KCNB2: variants seen among roughly 807,000 people sequenced by gnomAD.
KCNB2 encodes the protein delayed rectifier potassium channel protein.
KCNB2 carries 15 observed loss-of-function variants against 61.5 expected under a neutral mutation model. That is an observed-to-expected ratio of 0.24 (90% CI 0.16 to 0.38). The LOEUF is 0.38. Among genes scored for constraint, KCNB2 ranks in the 10% least tolerant of loss-of-function variants. The pLI, the probability that KCNB2 is intolerant of heterozygous loss-of-function variation, is 1.00. For synonymous variants in KCNB2, 457 were observed against 446.0 expected (o/e 1.02, Z -0.31); for missense variants, 828 against 1,125.2 (o/e 0.74, Z 3.78).
chr8:72,875,538 C>CT lies in KCNB2; in HGVS notation c.580-60365dup, dbSNP rs1202722527. Among the ~76,000 whole-genome samples the CT allele has an allele frequency of 3.9e-3, 30 of 7,644 alleles. 4 individuals are homozygous for CT. The highest frequency in any genetic ancestry group is 8.8e-3 in the Admixed American group (10 of 1,130). The allele number at this position is 7,644 out of a possible 152,430, so 5.0% of individuals were successfully genotyped here. ...AAGGAAATCTCTGCTCATTGCAAAT[C>CT]TTTTTTTTTTTTTTTTTTTTTTTTT... On this transcript the variant is annotated intron_variant, in intron 2 of 2. Coordinates refer to ENST00000523207, the MANE Select transcript of KCNB2 (RefSeq NM_004770.3).
intron 2 of KCNB2, among the ~76,000 whole-genome samples, chr8:72,715,066 G>T (rs2128992193): frequency 6.6e-6 from 1 of 152,248 alleles, no homozygotes; most frequent in East Asian, 1.9e-4. Flanking sequence ...GACAAAGAAG[G>T]CCATTACATA....
intron 2 of KCNB2, among the ~76,000 whole-genome samples, chr8:72,911,501 A>G (rs1474907587): frequency 1.3e-5 from 2 of 152,220 alleles, no homozygotes; most frequent in Non-Finnish European, 2.9e-5. Flanking sequence ...GTGAGGCACC[A>G]AATGAATCGT....
chr8:72,671,708 T>G (rs140037488), intron 2 of KCNB2, among the ~76,000 whole-genome samples: 2 of 152,318 alleles, frequency 1.3e-5, no homozygotes, highest in African/African-American at 4.8e-5. Context: ...CCCTTGATTC[T>G]GAGCTTAGCC....
intron 2 of KCNB2, among the ~76,000 whole-genome samples, chr8:72,831,367 G>A (rs1377492331): frequency 1.3e-5 from 2 of 152,148 alleles, no homozygotes; most frequent in Non-Finnish European, 1.5e-5. Context: ...AGAAAGACAC[G>A]ATCAAAGCAA....
intron 2 of KCNB2, among the ~76,000 whole-genome samples, chr8:72,620,258 G>A (rs557411056): frequency 7.9e-5 from 12 of 152,268 alleles, no homozygotes; most frequent in South Asian, 6.2e-4. Context: ...AATCCAACAG[G>A]CAGTTTAGAT....
At chr8:72,653,492 C>G (rs936715779) in intron 2 of KCNB2, among the ~76,000 whole-genome samples, 1 of 151,946 alleles carries the variant, frequency 6.6e-6, no homozygotes, top group African/African-American at 2.4e-5. Flanking sequence ...CCTGCCGTAT[C>G]ATTGGGTATT....
intron 2 of KCNB2, among the ~76,000 whole-genome samples, chr8:72,638,196 G>T (rs182009105): frequency 1.3e-5 from 2 of 152,234 alleles, no homozygotes; most frequent in East Asian, 3.9e-4. Context: ...GATCATTTAA[G>T]ATCCTATGAC....
In KCNB2 at chr8:72,904,573, G is replaced by C. The variant is rs533064189; in HGVS notation, c.580-31362G>C. ...CAAAAAAGAAATTATTTAACAATTA[G>C]ACAAGAGAAAGAAAGATATATACAA... On this transcript the variant is annotated intron_variant, in intron 2 of 2. Coordinates refer to ENST00000523207, the MANE Select transcript of KCNB2 (RefSeq NM_004770.3). Among the ~76,000 whole-genome samples, 3 of 152,180 alleles carry C rather than the reference G, an allele frequency of 2.0e-5. No individual in the cohort carries two copies. The East Asian group carries it at 5.8e-4, about 29-fold the overall frequency.
At chr8:72,839,013 C>T (rs1394633434) in intron 2 of KCNB2, among the ~76,000 whole-genome samples, 1 of 151,954 alleles carries the variant, frequency 6.6e-6, no homozygotes, top group Non-Finnish European at 1.5e-5. Flanking sequence ...AATTTTAATT[C>T]ACAAGGTAAT....
intron 2 of KCNB2, among the ~76,000 whole-genome samples, chr8:72,887,952 C>T (rs1563414153): frequency 6.6e-6 from 1 of 152,358 alleles, no homozygotes. Flanking sequence ...GGAAGATACA[C>T]CCAATAAACA....
intron 2 of KCNB2, among the ~76,000 whole-genome samples, chr8:72,729,081 A>T (rs1307882068): frequency 6.6e-6 from 1 of 152,168 alleles, no homozygotes; most frequent in Non-Finnish European, 1.5e-5. Flanking sequence ...GTAACTTGGG[A>T]TCACTATTTA....
At chr8:72,912,492 A>T (rs1472770816) in intron 2 of KCNB2, among the ~76,000 whole-genome samples, 1 of 19,724 alleles carries the variant, frequency 5.1e-5, no homozygotes, top group Non-Finnish European at 9.9e-5. Context: ...TTTTATTCAT[A>T]TATATATATA....
At chr8:72,706,982 T>C (rs1563565745) in intron 2 of KCNB2, among the ~76,000 whole-genome samples, 1 of 152,222 alleles carries the variant, frequency 6.6e-6, no homozygotes, top group Non-Finnish European at 1.5e-5. Context: ...GCTCTGGGAC[T>C]TCTTTGTTAA....
At chr8:72,716,521 T>C (rs1182598456) in intron 2 of KCNB2, among the ~76,000 whole-genome samples, 10 of 152,178 alleles carry the variant, frequency 6.6e-5, no homozygotes, top group African/African-American at 2.4e-4. Context: ...CGCAAATCAA[T>C]AAACGTAATC....
At chr8:72,858,292 T>C (rs935152042) in intron 2 of KCNB2, among the ~76,000 whole-genome samples, 2 of 152,184 alleles carry the variant, frequency 1.3e-5, no homozygotes, top group East Asian at 3.8e-4. Context: ...CTAAATTAAA[T>C]TGCTTTGGTC....
At chr8:72,706,963 C>T (rs189928823) in intron 2 of KCNB2, among the ~76,000 whole-genome samples, 2 of 152,338 alleles carry the variant, frequency 1.3e-5, no homozygotes, top group Admixed American at 1.3e-4. Flanking sequence ...TGCCTACTTC[C>T]TGTGATCAGC....
chr8:72,648,915 A>C (rs1051536045), intron 2 of KCNB2, among the ~76,000 whole-genome samples: 46 of 152,120 alleles, frequency 3.0e-4, no homozygotes, highest in Admixed American at 2.9e-3. Flanking sequence ...CTTTATAAGA[A>C]TTATGTTTGC....
At chr8:72,641,152 A>T (rs1313421947) in intron 2 of KCNB2, among the ~76,000 whole-genome samples, 1 of 152,036 alleles carries the variant, frequency 6.6e-6, no homozygotes, top group Non-Finnish European at 1.5e-5. Context: ...ATCCACTAAA[A>T]TTTTACTGGA....
intron 2 of KCNB2, among the ~76,000 whole-genome samples, chr8:72,673,760 A>G (rs987398315): frequency 2.0e-5 from 3 of 152,236 alleles, no homozygotes; most frequent in African/African-American, 7.2e-5. Flanking sequence ...ATTTAGACAG[A>G]AAGTAGAATA....
Sources: allele counts gnomAD v4.1 joint callset (sites outside exome capture counted in the v4.1 genomes callset), GRCh38; gene constraint gnomAD v4.1.1; transcripts MANE v1.5; gene names NCBI Gene and HGNC (gene_info 2026-07-23, HGNC 2026-07-21).